FANCF: variants seen among roughly 807,000 people sequenced by gnomAD.
FANCF encodes the protein Fanconi anemia group F protein.
For synonymous variants in FANCF, 257 were observed against 205.9 expected (o/e 1.25, Z -2.13); for missense variants, 552 against 481.8 (o/e 1.15, Z -1.36).
In FANCF at chr11:22,622,887, T is replaced by C. The variant is rs1018795675; in HGVS notation, c.*1799A>G. ...TATAAAATAGATTTTAAAATGTTAT[T>C]TCTTAAGTCTATTGTCAATCTTTAC... On this transcript the variant is annotated 3_prime_UTR_variant, in exon 1 of 1. Coordinates refer to ENST00000327470, the MANE Select transcript of FANCF (RefSeq NM_022725.4). 1.0e-5 allele frequency: 2 copies of C among 192,958 alleles called. No individual in the cohort carries two copies. Among genetic ancestry groups the C allele is most frequent in the African/African-American group, 4.6e-5 (2 of 43,110 alleles). The allele number at this position is 192,958 out of a possible 1,614,324, so 12.0% of individuals were successfully genotyped here.
At position 22,624,627 on chromosome 11, in the gene FANCF, AT is replaced by A; in HGVS notation, c.*58del. On this transcript the variant is annotated 3_prime_UTR_variant, in exon 1 of 1. Transcript: ENST00000327470. ...ACGAAGGCATATATTTGGTGAGAAC[AT>A]TGTAATTTTCATTTTGTAAACTATA... is the stretch of plus-strand genomic sequence containing the variant. The A allele has an allele frequency of 6.8e-7, 1 of 1,460,136 alleles. No homozygotes were observed. The highest frequency in any genetic ancestry group is 9.6e-7 in the Non-Finnish European group (1 of 1,041,004). The allele number at this position is 1,460,136 out of a possible 1,614,324, so 90.4% of individuals were successfully genotyped here.
In FANCF at chr11:22,624,917, C is replaced by T. The variant is rs1858618025; in HGVS notation, c.894G>A (p.Glu298=). 1.9e-6 allele frequency: 3 copies of T among 1,614,162 alleles called. No homozygotes were observed. Among genetic ancestry groups the T allele is most frequent in the Non-Finnish European group, 2.5e-6 (3 of 1,180,028 alleles). The change falls in exon 1 of 1, where the codon GAG becomes GAA. Residue 298 remains glutamate (E), a synonymous_variant. Coordinates refer to ENST00000327470, the MANE Select transcript of FANCF (RefSeq NM_022725.4). ...DLQKGIWVGT[E]SQDVPWEELH... Reference sequence around the variant, plus strand: ...ACTCCTCCCAGGGCACATCTTGGGACTCAGTTCCAACCCAAATGCCTTTCT... The same window carrying T: ...ACTCCTCCCAGGGCACATCTTGGGATTCAGTTCCAACCCAAATGCCTTTCT...
Position 22,624,904 on chromosome 11 carries a change from G to A in FANCF, c.907C>T (p.Pro303Ser), listed in dbSNP as rs199717587. ...IWVGTESQDV[P>S]WEELHNRFQS... ...AACCTATTGTGCAACTCCTCCCAGGGCACATCTTGGGACTCAGTTCCAACC... is the reference window on the plus strand; with the variant it reads ...AACCTATTGTGCAACTCCTCCCAGGACACATCTTGGGACTCAGTTCCAACC... The change falls in exon 1 of 1, where the codon CCC (proline) becomes TCC (serine). Residue 303 changes from proline to serine, a missense_variant. Coordinates refer to ENST00000327470, the MANE Select transcript of FANCF (RefSeq NM_022725.4). The A allele has an allele frequency of 2.8e-5, 45 of 1,614,072 alleles. No individual in the cohort carries two copies. Among genetic ancestry groups the A allele is most frequent in the Non-Finnish European group, 3.6e-5 (43 of 1,179,968 alleles).
At position 22,625,748 on chromosome 11, in the gene FANCF, G is replaced by C. The variant is rs368275132; in HGVS notation, c.63C>G (p.Thr21=). The C allele has an allele frequency of 6.2e-7, 1 of 1,614,208 alleles. No homozygotes were observed. Among genetic ancestry groups the C allele is most frequent in the Non-Finnish European group, 8.5e-7 (1 of 1,180,052 alleles). ...TGGCGGGGTCCCAGGTGCTGACGTA[G>C]GTAGTGCTTGAGACCGCCAGAAGCT... The part of the protein sequence containing the change: ...FSELLAVSST[T]YVSTWDPATV... The change falls in exon 1 of 1, where the codon ACC becomes ACG. Residue 21 remains threonine, a synonymous_variant. Transcript: ENST00000327470.
In FANCF at chr11:22,624,818, G is replaced by A. The variant is rs751274756; in HGVS notation, c.993C>T (p.Thr331=). The change falls in exon 1 of 1, where the codon ACC becomes ACT. Residue 331 remains threonine, a synonymous_variant. Coordinates refer to ENST00000327470, the MANE Select transcript of FANCF (RefSeq NM_022725.4). ...CAAAATCTCCATCCTGCGCTTTACAGGTCTCCAGGGCAGTTAGAACTTTAT... is the reference window on the plus strand; with the variant it reads ...CAAAATCTCCATCCTGCGCTTTACAAGTCTCCAGGGCAGTTAGAACTTTAT... ...LKDKVLTALE[T]CKAQDGDFEV... is the part of the protein sequence containing the mutation. 4 of 1,614,180 alleles carry A rather than the reference G, an allele frequency of 2.5e-6. No individual in the cohort carries two copies. In the South Asian group the frequency reaches 4.4e-5, roughly 18 times the overall value.
At position 22,625,287 on chromosome 11, in the gene FANCF, T is replaced by A. The variant is rs992569572; in HGVS notation, c.524A>T (p.Gln175Leu). ...TQAELLLERLQEVGKAEAERP... is the reference protein window; with the variant it reads ...TQAELLLERLLEVGKAEAERP... The stretch of plus-strand genomic sequence containing the variant: ...CTCCGCTTCGGCCTTCCCCACCTCC[T>A]GCAGACGCTCCAGCAGCAGCTCCGC... The change falls in exon 1 of 1, where the codon CAG becomes CTG. Residue 175 changes from glutamine (Q) to leucine (L), a missense_variant. Transcript: ENST00000327470. The A allele has an allele frequency of 6.2e-7, 1 of 1,614,076 alleles. No individual in the cohort carries two copies. Among genetic ancestry groups the A allele is most frequent in the African/African-American group, 1.3e-5 (1 of 74,952 alleles).
Position 22,625,424 on chromosome 11 carries a change from G to A in FANCF, c.387C>T (p.Leu129=), listed in dbSNP as rs45556032. ...PGVRDADEET[L]QESLARLARR... ...GGGCAAGGCGGGCCAGGCTCTCTTG[G>A]AGTGTCTCCTCATCGGCGTCCCGGA... Residue 129 remains leucine, a synonymous_variant, in exon 1 of 1, where the codon CTC becomes CTT. Transcript: ENST00000327470. 9.3e-3 allele frequency: 14,958 copies of A among 1,614,150 alleles called. 88 individuals are homozygous for A. Among genetic ancestry groups the A allele is most frequent in the Non-Finnish European group, 0.011 (13,229 of 1,180,002 alleles).
chr11:22,625,480 G>T lies in FANCF; in HGVS notation c.331C>A (p.Leu111Met), dbSNP rs755335784. Reference protein sequence around the residue: ...RALGDAARYHLVQQLFPGPGV... With the variant: ...RALGDAARYHMVQQLFPGPGV... ...GGGCCGGGAAAGAGTTGCTGCACCA[G>T]GTGGTAACGAGCTGCATCCCCGAGG... The change falls in exon 1 of 1, where the codon CTG (leucine) becomes ATG (methionine). Residue 111 changes from leucine to methionine, a missense_variant. Coordinates refer to ENST00000327470, the MANE Select transcript of FANCF (RefSeq NM_022725.4). 26 of 1,614,118 alleles carry T rather than the reference G, an allele frequency of 1.6e-5. 1 individual carries two copies. In the South Asian group the frequency reaches 2.5e-4, roughly 16 times the overall value.
rs2133796751 is a variant in FANCF, at chr11:22,625,003, G to A, written c.808C>T (p.Leu270=). The change falls in exon 1 of 1, where the codon CTG becomes TTG. Residue 270 remains leucine, a synonymous_variant. Coordinates refer to ENST00000327470, the MANE Select transcript of FANCF (RefSeq NM_022725.4). ...AGCAGACCCAGATAGACAGGAGACA[G>A]CGCTGGGTGGCGGCTAGTCACTAAA... The part of the protein sequence containing the change: ...LTLVTSRHPA[L]SPVYLGLLTD... 1 of 1,614,216 alleles carries A rather than the reference G, an allele frequency of 6.2e-7. No individual in the cohort carries two copies. Among genetic ancestry groups the A allele is most frequent in the South Asian group, 1.1e-5 (1 of 91,086 alleles).
Position 22,624,013 on chromosome 11 carries a change from T to TTA in FANCF, c.*672_*673insTA, listed in dbSNP as rs1858599764. ...CTCAAAAAAAAAAAAGTTTGATTCT[T>TTA]TTATCATCAAGCATTAATTTAATAT... On this transcript the variant is annotated 3_prime_UTR_variant, in exon 1 of 1. Coordinates refer to ENST00000327470, the MANE Select transcript of FANCF (RefSeq NM_022725.4). 1.8e-5 allele frequency: 4 copies of TTA among 225,892 alleles called. No homozygotes were observed. Among genetic ancestry groups the TTA allele is most frequent in the Non-Finnish European group, 2.6e-5 (3 of 113,900 alleles). 14.0% of individuals were successfully genotyped at this position (225,892 alleles called of 1,614,324 possible). A position where few individuals can be genotyped will look rare whatever the true frequency, so the allele number is the denominator to read the frequency against.
In FANCF at chr11:22,624,465, T is replaced by C. The variant is rs2133795856; in HGVS notation, c.*221A>G. On this transcript the variant is annotated 3_prime_UTR_variant, in exon 1 of 1. Transcript: ENST00000327470. ...AAAAAGCAAACTATTGCTAATTCCA[T>C]GGCTTTAAGTGGAGTACTTCCAATC... 1 of 572,952 alleles carries C rather than the reference T, an allele frequency of 1.7e-6. No individual in the cohort carries two copies. The highest frequency in any genetic ancestry group is 2.2e-5 in the South Asian group (1 of 45,192). The allele number at this position is 572,952 out of a possible 1,614,324, so 35.5% of individuals were successfully genotyped here.
Position 22,625,695 on chromosome 11 carries a change from C to T in FANCF, c.116G>A (p.Arg39His), listed in dbSNP as rs778953394. ...GCGCCGATGGATGTGGCGCAGGTAGCGCGCCCACTGCAAGGCCCGGCGCAC... is the reference window on the plus strand; with the variant it reads ...GCGCCGATGGATGTGGCGCAGGTAGTGCGCCCACTGCAAGGCCCGGCGCAC... ...ATVRRALQWA[R>H]YLRHIHRRFG... is the part of the protein sequence containing the mutation. The change falls in exon 1 of 1, where the codon CGC becomes CAC. Residue 39 changes from arginine to histidine, a missense_variant. Arg to His is a conservative substitution (Grantham distance 29). Transcript: ENST00000327470. 1.9e-6 allele frequency: 3 copies of T among 1,614,066 alleles called. No individual in the cohort carries two copies. Among genetic ancestry groups the T allele is most frequent in the South Asian group, 1.1e-5 (1 of 91,084 alleles).
rs368170054 is a variant in FANCF, at chr11:22,624,763, G to A, written c.1048C>T (p.Leu350Phe). 30 of 1,613,978 alleles carry A rather than the reference G, an allele frequency of 1.9e-5. No homozygotes were observed. The Middle Eastern group carries it at 9.9e-4, about 53-fold the overall frequency. ...GCACCACTACGAAGAGCTAATAAGAGGTCTGTCCAGATGCTAAGACCAGGT... is the reference window on the plus strand; with the variant it reads ...GCACCACTACGAAGAGCTAATAAGAAGTCTGTCCAGATGCTAAGACCAGGT... ...EVPGLSIWTD[L>F]LLALRSGAFR... The change falls in exon 1 of 1, where the codon CTC becomes TTC. Residue 350 changes from leucine (L) to phenylalanine (F), a missense_variant. Physicochemically the swap from Leu to Phe is conservative, Grantham distance 22 (BLOSUM62 0). Coordinates refer to ENST00000327470, the MANE Select transcript of FANCF (RefSeq NM_022725.4).
Position 22,622,650 on chromosome 11 carries a change from A to G in FANCF, c.*2036T>C, listed in dbSNP as rs1215230468. On this transcript the variant is annotated 3_prime_UTR_variant, in exon 1 of 1. Transcript: ENST00000327470. ...ATTTATTCAAACACTACAAGTATCTACCATATGCTGGACACTGTGCTAGGC... is the reference window on the plus strand; with the variant it reads ...ATTTATTCAAACACTACAAGTATCTGCCATATGCTGGACACTGTGCTAGGC... 1 of 187,468 alleles carries G rather than the reference A, an allele frequency of 5.3e-6. No individual in the cohort carries two copies. The highest frequency in any genetic ancestry group is 2.3e-5 in the African/African-American group (1 of 42,806). The allele number at this position is 187,468 out of a possible 1,614,324, so 11.6% of individuals were successfully genotyped here.
chr11:22,623,725 T>G lies in FANCF; in HGVS notation c.*961A>C. The stretch of plus-strand genomic sequence containing the variant: ...AAAATGTTGTTTTGGCCAGGCGCGG[T>G]GGCTCACGCCTGTAATCCCAGCACT... On this transcript the variant is annotated 3_prime_UTR_variant, in exon 1 of 1. Coordinates refer to ENST00000327470, the MANE Select transcript of FANCF (RefSeq NM_022725.4). 5.5e-6 allele frequency: 1 copy of G among 182,664 alleles called. No homozygotes were observed. The highest frequency in any genetic ancestry group is 1.2e-5 in the Non-Finnish European group (1 of 85,700). 11.3% of individuals were successfully genotyped at this position (182,664 alleles called of 1,614,324 possible). A position where few individuals can be genotyped will look rare whatever the true frequency, so the allele number is the denominator to read the frequency against.
In FANCF at chr11:22,625,379, G is replaced by T. The variant is rs776055639; in HGVS notation, c.432C>A (p.His144Gln). 2.7e-5 allele frequency: 44 copies of T among 1,614,100 alleles called. No individual in the cohort carries two copies. ...ARLARRRSAVHMLRFNGYREN... is the reference protein window; with the variant it reads ...ARLARRRSAVQMLRFNGYREN... Reference sequence around the variant, plus strand: ...CTCTATAGCCATTGAAGCGCAGCATGTGCACCGCAGACCGCCGGCGGGCAA... The same window carrying T: ...CTCTATAGCCATTGAAGCGCAGCATTTGCACCGCAGACCGCCGGCGGGCAA... The change falls in exon 1 of 1, where the codon CAC becomes CAA. Residue 144 changes from histidine to glutamine, a missense_variant. By Grantham distance (24) the His-to-Gln change is conservative. Coordinates refer to ENST00000327470, the MANE Select transcript of FANCF (RefSeq NM_022725.4).
rs540547787 is a variant in FANCF at position 22,625,252 on chromosome 11, T to G, written c.559A>C (p.Arg187=). 1.9e-6 allele frequency: 3 copies of G among 1,614,034 alleles called. No homozygotes were observed. The highest frequency in any genetic ancestry group is 2.5e-6 in the Non-Finnish European group (3 of 1,180,032). ...VGKAEAERPA[R]FLSSLWERLP... is the part of the protein sequence containing the mutation. ...CGCTCCCACAGGCTGCTGAGAAACC[T>G]GGCGGGACGCTCCGCTTCGGCCTTC... The change falls in exon 1 of 1, where the codon AGG becomes CGG. Residue 187 remains arginine (R), a synonymous_variant. Transcript: ENST00000327470.
rs1858577506 is a variant in FANCF at position 22,622,771 on chromosome 11, C to T, written c.*1915G>A. ...TTTACTTAATCTTTTAGCGTATATT[C>T]ATAAGAATACAGTTTTGGTGTGAAG... On this transcript the variant is annotated 3_prime_UTR_variant, in exon 1 of 1. Transcript: ENST00000327470. 5.2e-6 allele frequency: 1 copy of T among 191,704 alleles called. No individual in the cohort carries two copies. Among genetic ancestry groups the T allele is most frequent in the Admixed American group, 6.1e-5 (1 of 16,366 alleles). 11.9% of individuals were successfully genotyped at this position (191,704 alleles called of 1,614,324 possible). A position where few individuals can be genotyped will look rare whatever the true frequency, so the allele number is the denominator to read the frequency against.
Position 22,622,965 on chromosome 11 carries a change from G to C in FANCF, c.*1721C>G, listed in dbSNP as rs1357123972. 5.0e-6 allele frequency: 1 copy of C among 200,364 alleles called. No individual in the cohort carries two copies. Among genetic ancestry groups the C allele is most frequent in the Non-Finnish European group, 1.0e-5 (1 of 97,330 alleles). The allele number at this position is 200,364 out of a possible 1,614,324, so 12.4% of individuals were successfully genotyped here. ...TACAGCTGCAAATATAGGGAAGTAA[G>C]TTCACAAACTGTTATTTTCTAAAGC... On this transcript the variant is annotated 3_prime_UTR_variant, in exon 1 of 1. Transcript: ENST00000327470.
Sources: gnomAD v4.1 joint callset for allele counts on GRCh38, gnomAD v4.1.1 for gene constraint, MANE v1.5 for transcripts, NCBI Gene and HGNC (gene_info 2026-07-23, HGNC 2026-07-21) for gene names.